The following LMOD2 variants were observed in gnomAD, a reference collection of about 807,000 sequenced individuals.
LMOD2 encodes leiomodin 2.
In LMOD2, 27 loss-of-function variants were observed where a neutral mutation model predicts 41.7. That is an observed-to-expected ratio of 0.65 (90% confidence interval 0.48 to 0.89). The LOEUF (loss-of-function observed/expected upper bound fraction) is 0.89. Ranked by LOEUF, LMOD2 falls within the 40% of genes least tolerant of loss-of-function variation. LMOD2 has a pLI of 0.00. For synonymous variants in LMOD2, 251 were observed against 244.6 expected (o/e 1.03, Z -0.25); for missense variants, 624 against 667.9 (o/e 0.93, Z 0.72).
At position 123,656,207 on chromosome 7, in the gene LMOD2, GAGA is replaced by G; in HGVS notation, c.247_249del (p.Lys83del). The G allele has an allele frequency of 3.1e-6, 5 of 1,609,284 alleles. No individual in the cohort carries two copies. The highest frequency in any genetic ancestry group is 4.2e-6 in the Non-Finnish European group (5 of 1,178,070). On this transcript the variant is annotated inframe_deletion, in exon 1 of 3. Coordinates refer to ENST00000458573, the MANE Select transcript of LMOD2 (RefSeq NM_207163.3). ...GGAAAAGGAGTCCCAAAAACTCTTGGAGAAGGAGAGGCTGGGGGAATGTGGAAA... is the reference window on the plus strand; with the variant it reads ...GGAAAAGGAGTCCCAAAAACTCTTGGAGGAGAGGCTGGGGGAATGTGGAAA...
chr7:123,663,494 T>C, intron 2 of LMOD2: 1 of 605,626 alleles, frequency 1.7e-6, no homozygotes, highest in Non-Finnish European at 2.9e-6. Flanking sequence ...GAATATAATC[T>C]AAATTCCAAA....
intron 1 of LMOD2, 21 bp downstream of exon 1, chr7:123,656,257 C>T (rs1234637137): frequency 1.3e-6 from 2 of 1,587,432 alleles, no homozygotes; most frequent in Admixed American, 1.8e-5. Context: ...GGGACTTTTC[C>T]TTGGCTAACC....
At chr7:123,661,232 C>T (rs1802870609) in intron 1 of LMOD2, among the ~76,000 whole-genome samples, 1 of 152,196 alleles carries the variant, frequency 6.6e-6, no homozygotes, top group Non-Finnish European at 1.5e-5. Flanking sequence ...CTGTGCCGGG[C>T]TCTACCGTAG....
intron 1 of LMOD2, among the ~76,000 whole-genome samples, chr7:123,659,472 T>C (rs1802839975): frequency 6.6e-6 from 1 of 152,192 alleles, no homozygotes; most frequent in Non-Finnish European, 1.5e-5. Flanking sequence ...TCTCAGATTG[T>C]CCGGAACTAT....
At position 123,662,425 on chromosome 7, in the gene LMOD2, T is replaced by C; in HGVS notation, c.839T>C (p.Ile280Thr). The change falls in exon 2 of 3, where the codon ATA (isoleucine) becomes ACA (threonine). Residue 280 changes from isoleucine (I) to threonine (T), a missense_variant. Coordinates refer to ENST00000458573, the MANE Select transcript of LMOD2 (RefSeq NM_207163.3). This position sits in a 1 kb window ranked among gnomAD's most constrained non-coding sequence, Gnocchi z 4.0. ...ITNVNVESNFITGKGILAIMR... is the reference protein window; with the variant it reads ...ITNVNVESNFTTGKGILAIMR... ...AACGTAAACGTCGAGTCCAACTTCA[T>C]AACGGGAAAGGGGATCCTGGCCATC... The C allele has an allele frequency of 1.2e-6, 2 of 1,613,848 alleles. No homozygotes were observed. The highest frequency in any genetic ancestry group is 1.7e-6 in the Non-Finnish European group (2 of 1,179,856).
At chr7:123,658,814 T>C (rs761426488) in intron 1 of LMOD2, among the ~76,000 whole-genome samples, 1 of 152,226 alleles carries the variant, frequency 6.6e-6, no homozygotes. Context: ...GGGATCTTCT[T>C]GGAACTGCAA....
chr7:123,661,681 T>G (rs1332778156), intron 1 of LMOD2, among the ~76,000 whole-genome samples, 179 bp from the exon 2 acceptor site: 1 of 152,226 alleles, frequency 6.6e-6, no homozygotes, highest in Non-Finnish European at 1.5e-5. Flanking sequence ...CTATTGCTAT[T>G]TATTGCAATA....
chr7:123,655,894 C>T lies in LMOD2; in HGVS notation c.-70C>T. 1 of 1,459,166 alleles carries T rather than the reference C, an allele frequency of 6.9e-7. No individual in the cohort carries two copies. 90.4% of individuals were successfully genotyped at this position (1,459,166 alleles called of 1,614,324 possible). A position where few individuals can be genotyped will look rare whatever the true frequency, so the allele number is the denominator to read the frequency against. ...TGTTGACCAGCCTGCCACTTGCCTC[C>T]CTGCCTGCTTCTGGCCGCCTTGAAT... On this transcript the variant is annotated 5_prime_UTR_variant, in exon 1 of 3. Transcript: ENST00000458573.
In LMOD2 at chr7:123,662,243, C is replaced by G; in HGVS notation, c.657C>G (p.Asn219Lys). The G allele has an allele frequency of 6.2e-7, 1 of 1,613,986 alleles. No individual in the cohort carries two copies. The highest frequency in any genetic ancestry group is 8.5e-7 in the Non-Finnish European group (1 of 1,179,884). ...CTGACACCACAGAAGTCAATTTGAA[C>G]AACATTGAGAACATCACAACACAGA... ...NDPDTTEVNL[N>K]NIENITTQTL... Residue 219 changes from asparagine to lysine, a missense_variant, in exon 2 of 3, where the codon AAC (asparagine) becomes AAG (lysine). Transcript: ENST00000458573. This position sits in a 1 kb window ranked among gnomAD's most constrained non-coding sequence, Gnocchi z 4.0.
At chr7:123,658,162 G>A (rs1041372632) in intron 1 of LMOD2, among the ~76,000 whole-genome samples, 1 of 152,138 alleles carries the variant, frequency 6.6e-6, no homozygotes, top group African/African-American at 2.4e-5. Context: ...TCCTGCCAAA[G>A]GTTTTGCTGA....
At chr7:123,660,328 C>CAT (rs1802857174) in intron 1 of LMOD2, among the ~76,000 whole-genome samples, 1 of 151,358 alleles carries the variant, frequency 6.6e-6, no homozygotes, top group African/African-American at 2.4e-5. Flanking sequence ...CTCTCTCACA[C>CAT]ACACACACAC....
Position 123,662,436 on chromosome 7 carries a change from G to A in LMOD2, c.850G>A (p.Gly284Arg), listed in dbSNP as rs1404042572. The A allele has an allele frequency of 6.2e-7, 1 of 1,613,952 alleles. No homozygotes were observed. The change falls in exon 2 of 3, where the codon GGG (glycine) becomes AGG (arginine). Residue 284 changes from glycine to arginine, a missense_variant. Coordinates refer to ENST00000458573, the MANE Select transcript of LMOD2 (RefSeq NM_207163.3). This position sits in a 1 kb window ranked among gnomAD's most constrained non-coding sequence, Gnocchi z 4.0. ...NVESNFITGK[G>R]ILAIMRALQH... The stretch of plus-strand genomic sequence containing the variant: ...CGAGTCCAACTTCATAACGGGAAAG[G>A]GGATCCTGGCCATCATGAGAGCTCT...
chr7:123,658,254 T>C (rs1053631081), intron 1 of LMOD2, among the ~76,000 whole-genome samples: 2 of 152,258 alleles, frequency 1.3e-5, no homozygotes, highest in East Asian at 1.9e-4. Flanking sequence ...ATTAACTTTT[T>C]CTCCCAGTAC....
Position 123,663,739 on chromosome 7 carries a change from G to A in LMOD2, c.1638G>A (p.Leu546=), listed in dbSNP as rs760672947. 6.3e-7 allele frequency: 1 copy of A among 1,578,474 alleles called. No homozygotes were observed. The highest frequency in any genetic ancestry group is 1.2e-5 in the South Asian group (1 of 86,126). The change falls in exon 3 of 3, where the codon CTG becomes CTA. Residue 546 remains leucine (L), a synonymous_variant. Transcript: ENST00000458573. The part of the protein sequence containing the change: ...QLKRVEVPEA[L]R ...TGTAGGTGGAAGTTCCAGAAGCCCT[G>A]CGATAAAAACATGATCTTTAGAAGA...
At position 123,656,131 on chromosome 7, in the gene LMOD2, A is replaced by G. The variant is rs1387112476; in HGVS notation, c.168A>G (p.Thr56=). The G allele has an allele frequency of 1.2e-6, 2 of 1,610,396 alleles. No homozygotes were observed. Among genetic ancestry groups the G allele is most frequent in the Admixed American group, 1.7e-5 (1 of 59,586 alleles). ...LPVGLRQKSL[T]EKTPTGTFSR... ...TGGGGCTAAGGCAAAAGAGCCTGAC[A>G]GAGAAAACCCCCACAGGGACATTCA... Residue 56 remains threonine (T), a synonymous_variant, in exon 1 of 3, where the codon ACA becomes ACG. Coordinates refer to ENST00000458573, the MANE Select transcript of LMOD2 (RefSeq NM_207163.3).
At position 123,663,764 on chromosome 7, in the gene LMOD2, A is replaced by T. The variant is rs774990224; in HGVS notation, c.*19A>T. On this transcript the variant is annotated 3_prime_UTR_variant, in exon 3 of 3. Coordinates refer to ENST00000458573, the MANE Select transcript of LMOD2 (RefSeq NM_207163.3). The stretch of plus-strand genomic sequence containing the variant: ...GCGATAAAAACATGATCTTTAGAAG[A>T]GGATGCAGAACTGTTCAGTGGTATT... 2 of 1,568,630 alleles carry T rather than the reference A, an allele frequency of 1.3e-6. No individual in the cohort carries two copies. Among genetic ancestry groups the T allele is most frequent in the Non-Finnish European group, 1.7e-6 (2 of 1,154,238 alleles).
Position 123,663,706 on chromosome 7 carries a change from G to A in LMOD2, c.1618-13G>A, listed in dbSNP as rs1392754855. On this transcript the variant is annotated splice_polypyrimidine_tract_variant and intron_variant, in intron 2 of 2. Coordinates refer to ENST00000458573, the MANE Select transcript of LMOD2 (RefSeq NM_207163.3). ...GTGTTGTTTCATTGAGAGAAAATCCGCTATTTTTGTAGGTGGAAGTTCCAG... is the reference window on the plus strand; with the variant it reads ...GTGTTGTTTCATTGAGAGAAAATCCACTATTTTTGTAGGTGGAAGTTCCAG... 9 of 1,574,272 alleles carry A rather than the reference G, an allele frequency of 5.7e-6. No homozygotes were observed. In the Admixed American group the frequency reaches 1.1e-4, roughly 19 times the overall value.
chr7:123,662,633 A>G lies in LMOD2; in HGVS notation c.1047A>G (p.Thr349=), dbSNP rs1212966673. 6.2e-7 allele frequency: 1 copy of G among 1,614,032 alleles called. No individual in the cohort carries two copies. The change falls in exon 2 of 3, where the codon ACA becomes ACG. Residue 349 remains threonine, a synonymous_variant. Transcript: ENST00000458573. The surrounding 1 kb of genome is among the most constrained non-coding windows in gnomAD (Gnocchi z 4.0). ...GAATGAGCATGACGAGCATTTTGACAAGAAATATGGATAAACAGAGGCAAA... is the reference window on the plus strand; with the variant it reads ...GAATGAGCATGACGAGCATTTTGACGAGAAATATGGATAAACAGAGGCAAA... ...GPRMSMTSIL[T]RNMDKQRQKR... is the part of the protein sequence containing the mutation.
intron 2 of LMOD2, 117 bp from the exon 3 acceptor site, chr7:123,663,602 T>C (rs1255492800): frequency 1.2e-6 from 1 of 813,550 alleles, no homozygotes; most frequent in Non-Finnish European, 2.0e-6. Context: ...AAAATTACCA[T>C]GCAGCAATAA....
Sources: allele counts gnomAD v4.1 joint callset (sites outside exome capture counted in the v4.1 genomes callset), GRCh38; gene constraint gnomAD v4.1.1; non-coding constraint Gnocchi (gnomAD v3.1); transcripts MANE v1.5; gene names NCBI Gene and HGNC (gene_info 2026-07-23, HGNC 2026-07-21).